Variants in TNR observed in about 807,000 individuals in gnomAD.
The protein encoded by TNR is tenascin-R.
A neutral mutation model predicts 150.4 loss-of-function variants in TNR; 45 were observed. The observed-to-expected ratio is 0.30, with a 90% CI of 0.24 to 0.38. TNR has a LOEUF of 0.38. TNR is among the 10% of genes least tolerant of loss of function. The probability of loss-of-function intolerance (pLI) is 1.00; values close to 1 mark genes in which losing one functional copy is unlikely to be tolerated. For synonymous variants in TNR, 687 were observed against 678.4 expected, an observed-to-expected ratio of 1.01 and a Z score of -0.20; for missense variants, 1,544 against 1,759.1, an observed-to-expected ratio of 0.88 and a Z score of 2.19.
chr1:175,669,649 C>T (rs777055689), intron 1 of TNR, among the ~76,000 whole-genome samples: 6 of 152,164 alleles, frequency 3.9e-5, no homozygotes, highest in Non-Finnish European at 7.3e-5. Flanking sequence ...CATCACCAGC[C>T]GAGCCAGGGT....
At chr1:175,344,270 T>C (rs962857267) in intron 18 of TNR, among the ~76,000 whole-genome samples, 4 of 152,180 alleles carry the variant, frequency 2.6e-5, no homozygotes, top group African/African-American at 9.6e-5. Context: ...TGAGATGTGG[T>C]GGATGGCGGG....
At chr1:175,519,665 G>A (rs1659556014) in intron 2 of TNR, among the ~76,000 whole-genome samples, 2 of 152,164 alleles carry the variant, frequency 1.3e-5, no homozygotes, top group Non-Finnish European at 2.9e-5. Flanking sequence ...CTCTTCTGAT[G>A]AAGGAGAGAT....
chr1:175,431,034 T>C (rs974169900), intron 2 of TNR, among the ~76,000 whole-genome samples: 4 of 152,190 alleles, frequency 2.6e-5, no homozygotes, highest in African/African-American at 9.7e-5. Context: ...CATCATCTGC[T>C]TTTTCTCATA....
At chr1:175,616,671 C>T (rs998870483) in intron 1 of TNR, among the ~76,000 whole-genome samples, 2 of 152,114 alleles carry the variant, frequency 1.3e-5, no homozygotes, top group African/African-American at 4.8e-5. Flanking sequence ...ACTGTCTGGG[C>T]GTTGGCATGT....
At chr1:175,425,493 A>G (rs1264496395) in intron 2 of TNR, among the ~76,000 whole-genome samples, 1 of 152,202 alleles carries the variant, frequency 6.6e-6, no homozygotes, top group Non-Finnish European at 1.5e-5. Context: ...CTCAAGGTGA[A>G]TGAGCTCTTA....
chr1:175,713,193 A>C (rs1667064914), intron 1 of TNR, among the ~76,000 whole-genome samples: 1 of 152,222 alleles, frequency 6.6e-6, no homozygotes, highest in African/African-American at 2.4e-5. Context: ...TGCCATTAAG[A>C]CTTGAGGCAG....
chr1:175,564,125 A>C (rs1251776953), intron 1 of TNR, among the ~76,000 whole-genome samples: 5 of 152,260 alleles, frequency 3.3e-5, no homozygotes, highest in African/African-American at 1.2e-4. Flanking sequence ...AAGCATCAAC[A>C]AGCCAAATTG....
intron 1 of TNR, among the ~76,000 whole-genome samples, chr1:175,673,481 T>C (rs1665764338): frequency 1.3e-5 from 2 of 152,240 alleles, no homozygotes; most frequent in Admixed American, 6.5e-5. Context: ...GTTTGCTTTA[T>C]GTGGAAGTAA....
At chr1:175,727,956 C>G (rs1419281673) in intron 1 of TNR, among the ~76,000 whole-genome samples, 1 of 152,106 alleles carries the variant, frequency 6.6e-6, no homozygotes, top group African/African-American at 2.4e-5. Flanking sequence ...AGTGAGTTTG[C>G]CAGACTATTT....
rs116867793 is a variant in TNR at position 175,552,239 on chromosome 1, C to T, written c.-164-23870G>A. On this transcript the variant is annotated intron_variant, in intron 1 of 22. Transcript: ENST00000367674. Reference sequence around the variant, plus strand: ...TAATAAGAACACTCTCCTCTCATCCCATGGTAGGGGTGGGAGGTGGAAAAG... The same window carrying T: ...TAATAAGAACACTCTCCTCTCATCCTATGGTAGGGGTGGGAGGTGGAAAAG... Among the ~76,000 whole-genome samples the T allele has an allele frequency of 2.2e-3, 338 of 152,266 alleles. 1 individual carries two copies. Among genetic ancestry groups the T allele is most frequent in the Middle Eastern group, 0.014 (4 of 294 alleles).
At chr1:175,553,500 C>T (rs763408660) in intron 1 of TNR, among the ~76,000 whole-genome samples, 8 of 152,176 alleles carry the variant, frequency 5.3e-5, no homozygotes, top group Non-Finnish European at 1.2e-4. Context: ...ACCACATCAT[C>T]TTAGCCTCTT....
intron 1 of TNR, among the ~76,000 whole-genome samples, chr1:175,591,964 A>G (rs1662816878): frequency 6.6e-6 from 1 of 152,226 alleles, no homozygotes; most frequent in Non-Finnish European, 1.5e-5. Context: ...CTAAGTGACC[A>G]AGATAAACAG....
intron 2 of TNR, among the ~76,000 whole-genome samples, chr1:175,527,744 T>A (rs538309710): frequency 6.6e-6 from 1 of 152,150 alleles, no homozygotes; most frequent in Non-Finnish European, 1.5e-5. Context: ...GACATATATA[T>A]GTGGTATGAA....
At chr1:175,456,944 T>G (rs1656596722) in intron 2 of TNR, among the ~76,000 whole-genome samples, 1 of 152,188 alleles carries the variant, frequency 6.6e-6, no homozygotes. Flanking sequence ...TGTTGGCCTT[T>G]CTCCCAATTG....
At position 175,495,040 on chromosome 1, in the gene TNR, C is replaced by T. The variant is rs572868583; in HGVS notation, c.-64+33229G>A. The stretch of plus-strand genomic sequence containing the variant: ...TCTTCAGCGTTCACTTCTGCAGGCA[C>T]GGCTGCATTCATTCATTCATTCATT... On this transcript the variant is annotated intron_variant, in intron 2 of 22. Coordinates refer to ENST00000367674, the MANE Select transcript of TNR (RefSeq NM_003285.3). 1.8e-4 allele frequency among the ~76,000 whole-genome samples: 27 copies of T among 152,290 alleles called. No homozygotes were observed. In the South Asian group the frequency reaches 2.3e-3, roughly 13 times the overall value.
At chr1:175,737,918 A>G (rs1378939817) in intron 1 of TNR, among the ~76,000 whole-genome samples, 1 of 152,158 alleles carries the variant, frequency 6.6e-6, no homozygotes, top group African/African-American at 2.4e-5. Flanking sequence ...CATAACCCAG[A>G]GACGTGCTCC....
In TNR at chr1:175,323,139, G is replaced by A. The variant is rs979707601; in HGVS notation, c.*218C>T. 5 of 501,018 alleles carry A rather than the reference G, an allele frequency of 1.0e-5. No homozygotes were observed. The highest frequency in any genetic ancestry group is 1.7e-5 in the Non-Finnish European group (5 of 294,060). The allele number at this position is 501,018 out of a possible 1,614,324, so 31.0% of individuals were successfully genotyped here. On this transcript the variant is annotated 3_prime_UTR_variant, in exon 23 of 23. Transcript: ENST00000367674. ...TGGGAAAGGAGGTGAAGGTTGAGGA[G>A]GCCTGGGTAGGAGGGAGAATGGAGA... is the stretch of plus-strand genomic sequence containing the variant.
intron 2 of TNR, among the ~76,000 whole-genome samples, chr1:175,414,649 C>T (rs1418776313): frequency 6.6e-6 from 1 of 152,158 alleles, no homozygotes; most frequent in African/African-American, 2.4e-5. Context: ...GATTTAGTGC[C>T]TTGTTAATGA....
chr1:175,576,651 TA>T (rs1409881228), intron 1 of TNR, among the ~76,000 whole-genome samples: 3,525 of 152,306 alleles, frequency 0.023, 137 homozygotes, highest in African/African-American at 0.078. Flanking sequence ...CCCAAGCTTG[TA>T]AATACTTCAT....
Sources: allele counts gnomAD v4.1 joint callset (sites outside exome capture counted in the v4.1 genomes callset), GRCh38; gene constraint gnomAD v4.1.1; transcripts MANE v1.5; gene names NCBI Gene and HGNC (gene_info 2026-07-23, HGNC 2026-07-21).